The following PCDHGA3 variants were observed in gnomAD, a reference collection of about 807,000 sequenced individuals.
PCDHGA3 encodes protocadherin gamma-A3.
In PCDHGA3, 40 loss-of-function variants were observed where a neutral mutation model predicts 58.5. That is an observed-to-expected ratio of 0.68 (90% CI 0.53 to 0.89). PCDHGA3 has a LOEUF of 0.89. Ranked by LOEUF, PCDHGA3 falls within the 40% of genes least tolerant of loss-of-function variation. The pLI is 0.00. For missense variants in PCDHGA3, 1,223 were observed against 1,195.9 expected, an observed-to-expected ratio of 1.02 and a Z score of -0.33; for synonymous variants, 530 against 525.7, an observed-to-expected ratio of 1.01 and a Z score of -0.11.
intron 1 of PCDHGA3, chr5:141,418,622 G>A: frequency 2.5e-6 from 4 of 1,614,026 alleles, no homozygotes; most frequent in Non-Finnish European, 3.4e-6. Context: ...TCGGGAAGAC[G>A]TGCCTCCAGG....
intron 1 of PCDHGA3, among the ~76,000 whole-genome samples, chr5:141,445,357 G>C (rs115045385): frequency 0.013 from 1,909 of 152,252 alleles, 31 homozygotes; most frequent in African/African-American, 0.044. Flanking sequence ...GTCTGCCCAA[G>C]TCTGGTCCTG....
intron 1 of PCDHGA3, chr5:141,419,261 G>A (rs758952830): frequency 1.3e-5 from 21 of 1,613,864 alleles, no homozygotes; most frequent in Non-Finnish European, 1.7e-5. Context: ...CAACCAGCCG[G>A]GTGCCTCCAT....
chr5:141,438,122 A>T (rs1272350030), intron 1 of PCDHGA3, among the ~76,000 whole-genome samples: 1 of 152,214 alleles, frequency 6.6e-6, no homozygotes, highest in Non-Finnish European at 1.5e-5. Flanking sequence ...CATTCCTAAA[A>T]TATTAATGGC....
intron 1 of PCDHGA3, chr5:141,408,741 T>C: frequency 6.2e-7 from 1 of 1,610,092 alleles, no homozygotes; most frequent in Non-Finnish European, 8.5e-7. Context: ...TATTTTTCAT[T>C]AATGGTTAGA....
chr5:141,409,412 C>A, intron 1 of PCDHGA3: 1 of 1,614,032 alleles, frequency 6.2e-7, no homozygotes, highest in Non-Finnish European at 8.5e-7. Flanking sequence ...CTACTACAAA[C>A]TGGTGACAGA....
rs758013542 is a variant in PCDHGA3 at position 141,418,314 on chromosome 5, C to A, written c.2424+71857C>A. 9 of 1,613,988 alleles carry A rather than the reference C, an allele frequency of 5.6e-6. No homozygotes were observed. In the East Asian group the frequency reaches 1.3e-4, roughly 24 times the overall value. On this transcript the variant is annotated intron_variant, in intron 1 of 3. Coordinates refer to ENST00000253812, the MANE Select transcript of PCDHGA3 (RefSeq NM_018916.4). ...GAATCCGTCAGCCTGGGGATGGGAACAATTCTTGAGTCTGCAGAAGATCCT... is the reference window on the plus strand; with the variant it reads ...GAATCCGTCAGCCTGGGGATGGGAAAAATTCTTGAGTCTGCAGAAGATCCT...
intron 1 of PCDHGA3, among the ~76,000 whole-genome samples, chr5:141,465,090 A>G (rs566511602): frequency 6.7e-6 from 1 of 149,576 alleles, no homozygotes; most frequent in Admixed American, 6.7e-5. Flanking sequence ...TCATTTTTCT[A>G]GTAGTTTTTT....
At chr5:141,356,172 G>A (rs1760140235) in intron 1 of PCDHGA3, 1 of 1,612,824 alleles carries the variant, frequency 6.2e-7, no homozygotes. Context: ...CCCATGATGG[G>A]CCTGGTCTCC....
intron 1 of PCDHGA3, among the ~76,000 whole-genome samples, chr5:141,447,805 G>A (rs1389870133): frequency 2.0e-5 from 3 of 152,064 alleles, no homozygotes; most frequent in Admixed American, 2.0e-4. Context: ...AATAAAATTG[G>A]CTGGGCGTGG....
intron 1 of PCDHGA3, among the ~76,000 whole-genome samples, chr5:141,354,742 A>G (rs1561507163): frequency 6.6e-6 from 1 of 152,224 alleles, no homozygotes; most frequent in Non-Finnish European, 1.5e-5. Context: ...TGAAAACTGA[A>G]AAGAGGAAGA....
At position 141,477,866 on chromosome 5, in the gene PCDHGA3, A is replaced by G; in HGVS notation, c.2425-16941A>G. ...CTCGGTGGAGATGCTGCCTCGAGGT[A>G]CCTCAGCTGGCCACCTAGTGTCACG... On this transcript the variant is annotated intron_variant, in intron 1 of 3. Coordinates refer to ENST00000253812, the MANE Select transcript of PCDHGA3 (RefSeq NM_018916.4). This position sits in a 1 kb window ranked among gnomAD's most constrained non-coding sequence, Gnocchi z 4.9. 1 of 1,614,072 alleles carries G rather than the reference A, an allele frequency of 6.2e-7. No homozygotes were observed. Among genetic ancestry groups the G allele is most frequent in the Non-Finnish European group, 8.5e-7 (1 of 1,179,988 alleles).
At chr5:141,436,764 A>G (rs1248797699) in intron 1 of PCDHGA3, among the ~76,000 whole-genome samples, 1 of 152,214 alleles carries the variant, frequency 6.6e-6, no homozygotes, top group East Asian at 1.9e-4. Flanking sequence ...GGTATAATGG[A>G]ATGATTTGTG....
At position 141,477,067 on chromosome 5, in the gene PCDHGA3, C is replaced by G. The variant is rs370882752; in HGVS notation, c.2425-17740C>G. 5.6e-5 allele frequency: 91 copies of G among 1,614,116 alleles called. No individual in the cohort carries two copies. Among genetic ancestry groups the G allele is most frequent in the Non-Finnish European group, 7.7e-5 (91 of 1,180,042 alleles). ...GGCTGGACTTCGAGGACACCAAACT[C>G]CATGAGATTTACATCCAGGCCAAAG... On this transcript the variant is annotated intron_variant, in intron 1 of 3. Transcript: ENST00000253812. This position sits in a 1 kb window ranked among gnomAD's most constrained non-coding sequence, Gnocchi z 4.9.
chr5:141,370,241 T>C (rs1442707721), intron 1 of PCDHGA3: 3 of 626,086 alleles, frequency 4.8e-6, no homozygotes, highest in Non-Finnish European at 7.8e-6. Flanking sequence ...GGAAGAAAAG[T>C]GCACTCTCTA....
chr5:141,458,624 C>G (rs1382508302), intron 1 of PCDHGA3, among the ~76,000 whole-genome samples: 1 of 152,082 alleles, frequency 6.6e-6, no homozygotes, highest in East Asian at 1.9e-4. Context: ...GGCTGGAGTG[C>G]AGTGGCACAA....
rs377138746 is a variant in PCDHGA3, at chr5:141,432,481, C to A, written c.2425-62326C>A. Reference sequence around the variant, plus strand: ...CCCTCCCCACGGACGGTTCCACTGGCGTGGAGCTGGCTCCCCGCTCCGCAG... The same window carrying A: ...CCCTCCCCACGGACGGTTCCACTGGAGTGGAGCTGGCTCCCCGCTCCGCAG... On this transcript the variant is annotated intron_variant, in intron 1 of 3. Transcript: ENST00000253812. This position sits in a 1 kb window ranked among gnomAD's most constrained non-coding sequence, Gnocchi z 6.0. 6.2e-7 allele frequency: 1 copy of A among 1,614,080 alleles called. No individual in the cohort carries two copies.
intron 1 of PCDHGA3, chr5:141,364,834 G>T: frequency 6.2e-7 from 1 of 1,613,982 alleles, no homozygotes. Context: ...ACTCTCTCCG[G>T]AGTTACCAGC....
intron 1 of PCDHGA3, chr5:141,366,985 G>A (rs1378912863): frequency 2.0e-6 from 1 of 493,266 alleles, no homozygotes; most frequent in East Asian, 3.7e-5. Flanking sequence ...AAAGGAAAGT[G>A]GTTAAATATA....
chr5:141,419,824 AGCCACTGCCACGCT>A, intron 1 of PCDHGA3: 1 of 1,614,038 alleles, frequency 6.2e-7, no homozygotes, highest in South Asian at 1.1e-5. Context: ...CACCCCTTTC[AGCCACTGCCACGCT>A]GCACCTGGTG....
Sources: gnomAD v4.1 joint callset for allele counts (sites outside exome capture counted in the v4.1 genomes callset) on GRCh38, gnomAD v4.1.1 for gene constraint, Gnocchi (gnomAD v3.1) non-coding constraint, MANE v1.5 for transcripts, NCBI Gene and HGNC (gene_info 2026-07-23, HGNC 2026-07-21) for gene names.